The following TMEM68 variants were observed in gnomAD, a reference collection of about 807,000 sequenced individuals.
TMEM68 encodes transmembrane protein 68, also known as DGAT1/2-independent enzyme synthesizing storage lipids.
TMEM68 carries 25 observed loss-of-function variants against 36.9 expected under a neutral mutation model. The observed-to-expected ratio is 0.68, with a 90% confidence interval of 0.49 to 0.95. TMEM68 has a LOEUF of 0.95. Among genes scored for constraint, TMEM68 ranks in the 40% least tolerant of loss-of-function variants. The probability of loss-of-function intolerance (pLI) is 0.00; values close to 1 mark genes in which losing one functional copy is unlikely to be tolerated. For missense variants in TMEM68, 333 were observed against 392.0 expected, an observed-to-expected ratio of 0.85 and a Z score of 1.27; for synonymous variants, 131 against 124.4, an observed-to-expected ratio of 1.05 and a Z score of -0.35.
At chr8:55,769,956 C>A (rs1000990714) in intron 1 of TMEM68, among the ~76,000 whole-genome samples, 1 of 152,090 alleles carries the variant, frequency 6.6e-6, no homozygotes, top group Non-Finnish European at 1.5e-5. Flanking sequence ...TAACAGAAAT[C>A]TGGATCAAAA....
intron 3 of TMEM68, chr8:55,762,108 G>C (rs1263842662): frequency 2.0e-5 from 3 of 151,996 alleles, no homozygotes; most frequent in African/African-American, 7.3e-5. Flanking sequence ...GAGTAATAAA[G>C]AAAAGAATGA....
At chr8:55,740,316 A>T (rs745371148) in intron 7 of TMEM68, 98 bp from the exon 8 acceptor site, 152 of 831,258 alleles carry the variant, frequency 1.8e-4, no homozygotes, top group Non-Finnish European at 2.8e-4. Flanking sequence ...CCTTCTCAGT[A>T]CACCTGAAGC....
intron 1 of TMEM68, among the ~76,000 whole-genome samples, chr8:55,771,971 T>G (rs1380987194): frequency 6.6e-6 from 1 of 152,142 alleles, no homozygotes; most frequent in Non-Finnish European, 1.5e-5. Context: ...TCAAGACTTT[T>G]CTTTAATCCT....
At chr8:55,759,257 C>CAAAA (rs66513921) in intron 3 of TMEM68, among the ~76,000 whole-genome samples, 7 of 121,938 alleles carry the variant, frequency 5.7e-5, no homozygotes, top group Admixed American at 8.8e-5. Flanking sequence ...CCTGTCTCTA[C>CAAAA]AAAAAAAAAA....
At chr8:55,761,063 T>C (rs2130001294) in intron 3 of TMEM68, 1 of 152,322 alleles carries the variant, frequency 6.6e-6, no homozygotes, top group Non-Finnish European at 1.5e-5. Flanking sequence ...AACCACCTGG[T>C]TGAAAGCAGA....
intron 1 of TMEM68, among the ~76,000 whole-genome samples, chr8:55,769,322 C>CCAAAAAA (rs1811078651): frequency 5.6e-5 from 4 of 71,602 alleles, no homozygotes; most frequent in African/African-American, 2.3e-4. Flanking sequence ...AATCCCATCT[C>CCAAAAAA]AAAAAAAAAA....
At chr8:55,755,270 CTT>C (rs967473921) in intron 4 of TMEM68, among the ~76,000 whole-genome samples, 16 of 143,556 alleles carry the variant, frequency 1.1e-4, no homozygotes, top group African/African-American at 2.0e-4. Flanking sequence ...CAAAATATAT[CTT>C]TTTTTTTTTT....
intron 1 of TMEM68, among the ~76,000 whole-genome samples, chr8:55,771,087 G>T (rs939700749): frequency 2.0e-5 from 3 of 150,994 alleles, no homozygotes; most frequent in Non-Finnish European, 4.4e-5. Flanking sequence ...CCAGGAGGCG[G>T]AAGTTGCGGT....
At chr8:55,750,873 T>G (rs1415926085) in intron 5 of TMEM68, 91 bp downstream of exon 5, 1 of 1,309,968 alleles carries the variant, frequency 7.6e-7, no homozygotes, top group African/African-American at 1.5e-5. Flanking sequence ...AGCGAAAGTG[T>G]CTAAGTTCTT....
At chr8:55,757,014 C>G (rs1160659730) in intron 3 of TMEM68, among the ~76,000 whole-genome samples, 1 of 151,976 alleles carries the variant, frequency 6.6e-6, no homozygotes, top group Admixed American at 6.6e-5. Context: ...ATGGGTTACA[C>G]ACAGGGGGAC....
At chr8:55,747,915 G>T (rs1407385415) in intron 5 of TMEM68, 1 of 152,044 alleles carries the variant, frequency 6.6e-6, no homozygotes, top group South Asian at 2.1e-4. Context: ...TATATCTACT[G>T]ACTGGCATGA....
intron 3 of TMEM68, 75 bp downstream of exon 3, chr8:55,762,560 T>C (rs576341881): frequency 6.3e-7 from 1 of 1,592,168 alleles, no homozygotes; most frequent in East Asian, 2.2e-5. Context: ...TCTCAATCAA[T>C]AAAATGGAAT....
chr8:55,762,773 G>A lies in TMEM68; in HGVS notation c.187C>T (p.Leu63Phe), dbSNP rs1810836997. 5 of 1,613,716 alleles carry A rather than the reference G, an allele frequency of 3.1e-6. No individual in the cohort carries two copies. Among genetic ancestry groups the A allele is most frequent in the African/African-American group, 1.3e-5 (1 of 74,914 alleles). The change falls in exon 3 of 8, where the codon CTT becomes TTT. Residue 63 changes from leucine to phenylalanine, a missense_variant. Transcript: ENST00000434581. ...AAGAAAATAATAGTAAGGTAGAGAAGAAAGATAGTAAAGTAAGGAAGTATT... is the reference window on the plus strand; with the variant it reads ...AAGAAAATAATAGTAAGGTAGAGAAAAAAGATAGTAAAGTAAGGAAGTATT... ...LLILPYFTIFLLYLTIIFLHI... is the reference protein window; with the variant it reads ...LLILPYFTIFFLYLTIIFLHI...
Position 55,743,572 on chromosome 8 carries a change from A to T in TMEM68, c.797T>A (p.Met266Lys). The T allele has an allele frequency of 6.5e-7, 1 of 1,535,788 alleles. No individual in the cohort carries two copies. The highest frequency in any genetic ancestry group is 8.7e-7 in the Non-Finnish European group (1 of 1,146,718). ...YEKFRYPFAP[M>K]YGGFPVKLRT... is the part of the protein sequence containing the mutation. ...TAACTTCACTGGAAAACCTCCATAC[A>T]TTGGAGCAAATGGATAGCGGAATTT... is the stretch of plus-strand genomic sequence containing the variant. The change falls in exon 7 of 8, where the codon ATG becomes AAG. Residue 266 changes from methionine to lysine, a missense_variant. Physicochemically the swap from Met to Lys is moderately conservative, Grantham distance 95 (BLOSUM62 -1). Transcript: ENST00000434581.
chr8:55,766,535 C>T (rs1474052865), intron 1 of TMEM68, among the ~76,000 whole-genome samples: 1 of 152,032 alleles, frequency 6.6e-6, no homozygotes, highest in African/African-American at 2.4e-5. Flanking sequence ...CGCCACCACG[C>T]CCGGCTAATT....
At chr8:55,768,091 T>C (rs6989806) in intron 1 of TMEM68, among the ~76,000 whole-genome samples, 131,218 of 151,852 alleles carry the variant, frequency 0.86, 56,833 homozygotes, top group East Asian at 0.99. Context: ...TTAAATGCTG[T>C]TGACAGGCCT....
At chr8:55,767,703 C>T (rs1389626680) in intron 1 of TMEM68, among the ~76,000 whole-genome samples, 1 of 151,948 alleles carries the variant, frequency 6.6e-6, no homozygotes, top group African/African-American at 2.4e-5. Context: ...TTTGGGAGGC[C>T]GAGGCGGGAG....
At chr8:55,753,494 C>G (rs201756871) in intron 4 of TMEM68, among the ~76,000 whole-genome samples, 15 of 152,108 alleles carry the variant, frequency 9.9e-5, no homozygotes, top group Admixed American at 8.5e-4. Context: ...TAGTTTTTAA[C>G]AGAAAACATA....
At chr8:55,767,631 G>A (rs895210763) in intron 1 of TMEM68, among the ~76,000 whole-genome samples, 11 of 151,952 alleles carry the variant, frequency 7.2e-5, no homozygotes, top group African/African-American at 2.4e-4. Context: ...TCCAGGGAAC[G>A]AATATAGAGT....
Sources: allele counts gnomAD v4.1 joint callset (sites outside exome capture counted in the v4.1 genomes callset), GRCh38; gene constraint gnomAD v4.1.1; transcripts MANE v1.5; gene names NCBI Gene and HGNC (gene_info 2026-07-23, HGNC 2026-07-21).